The following MRE11 variants were observed in gnomAD, a reference collection of about 807,000 sequenced individuals.
The protein encoded by MRE11 is double-strand break repair protein MRE11.
A neutral mutation model predicts 91.7 loss-of-function variants in MRE11; 62 were observed. That is an observed-to-expected ratio of 0.68 (90% confidence interval 0.55 to 0.84). The LOEUF (loss-of-function observed/expected upper bound fraction) is 0.84, where lower values mean the gene tolerates loss of function less well. Among genes scored for constraint, MRE11 ranks in the 40% least tolerant of loss-of-function variants. MRE11 has a pLI of 0.00. For synonymous variants in MRE11, 273 were observed against 271.4 expected (o/e 1.01, Z -0.06); for missense variants, 796 against 852.9 (o/e 0.93, Z 0.83).
chr11:94,420,829 G>A (rs986220321), intron 19 of MRE11, among the ~76,000 whole-genome samples: 8 of 152,126 alleles, frequency 5.3e-5, no homozygotes, highest in Non-Finnish European at 8.8e-5. Flanking sequence ...TCAGGAGATC[G>A]AGACCATCCT....
chr11:94,479,027 A>G (rs1355132003), intron 5 of MRE11, 151 bp from the exon 6 acceptor site: 3 of 843,274 alleles, frequency 3.6e-6, no homozygotes, highest in East Asian at 2.7e-5. Flanking sequence ...TACAATAGTA[A>G]AAGTATTTGC....
At chr11:94,442,504 A>T (rs915185624) in intron 16 of MRE11, among the ~76,000 whole-genome samples, 2 of 152,118 alleles carry the variant, frequency 1.3e-5, no homozygotes, top group African/African-American at 4.8e-5. Flanking sequence ...ATAAAACAAG[A>T]CAGGACAAAA....
At chr11:94,468,156 T>C (rs1946615926) in intron 9 of MRE11, among the ~76,000 whole-genome samples, 1 of 152,210 alleles carries the variant, frequency 6.6e-6, no homozygotes, top group Non-Finnish European at 1.5e-5. Flanking sequence ...TTACTACTCA[T>C]GTTTCAATAA....
Position 94,446,457 on chromosome 11 carries a change from T to C in MRE11, c.1784-564A>G, listed in dbSNP as rs910172891. Among the ~76,000 whole-genome samples the C allele has an allele frequency of 5.3e-5, 8 of 152,244 alleles. 1 individual carries two copies. Among genetic ancestry groups the C allele is most frequent in the African/African-American group, 1.7e-4 (7 of 41,560 alleles). ...AAATAAAAATTTTTAAGGAAAAATT[T>C]TGTAAATGTAAGAATAGTGAAAATA... On this transcript the variant is annotated intron_variant, in intron 15 of 19. Coordinates refer to ENST00000323929, the MANE Select transcript of MRE11 (RefSeq NM_005591.4).
At chr11:94,493,597 G>C (rs1256520260) in intron 1 of MRE11, 194 bp downstream of exon 1, 3 of 152,162 alleles carry the variant, frequency 2.0e-5, no homozygotes, top group African/African-American at 4.8e-5. Context: ...CTGCCCACTC[G>C]GCCCGCTCTT....
intron 9 of MRE11, 31 bp from the exon 10 acceptor site, chr11:94,467,924 C>G (rs201898818): frequency 6.4e-7 from 1 of 1,572,518 alleles, no homozygotes; most frequent in East Asian, 2.2e-5. Context: ...TAAAAAACAA[C>G]GTAGTAAACT....
chr11:94,498,745 T>G, upstream of MRE11: 1 of 567,258 alleles, frequency 1.8e-6, no homozygotes, highest in Non-Finnish European at 3.1e-6. Flanking sequence ...AGTTTGTGAT[T>G]TTTTTATCAG....
rs528393065 is a variant in MRE11, at chr11:94,437,127, T to C, written c.1926+50A>G. On this transcript the variant is annotated intron_variant, in intron 17 of 19. Coordinates refer to ENST00000323929, the MANE Select transcript of MRE11 (RefSeq NM_005591.4). ...AAATCAGAGAGTTGACAATTCATAA[T>C]GCAGAAAACATAAATTATTAATACA... The C allele has an allele frequency of 1.3e-5, 19 of 1,474,700 alleles. No homozygotes were observed. In the Admixed American group the frequency reaches 2.3e-4, roughly 18 times the overall value. The allele number at this position is 1,474,700 out of a possible 1,614,324, so 91.4% of individuals were successfully genotyped here. A position where few individuals can be genotyped will look rare whatever the true frequency, so the allele number is the denominator to read the frequency against.
intron 4 of MRE11, among the ~76,000 whole-genome samples, chr11:94,483,195 G>A (rs1202876694): frequency 3.3e-5 from 5 of 152,170 alleles, no homozygotes; most frequent in Non-Finnish European, 7.3e-5. Flanking sequence ...AATATGGGCT[G>A]GGCATGGTGG....
At chr11:94,446,739 G>C (rs1565212100) in intron 15 of MRE11, among the ~76,000 whole-genome samples, 4 of 152,216 alleles carry the variant, frequency 2.6e-5, no homozygotes, top group Middle Eastern at 3.4e-3. Context: ...TCAAATTGGG[G>C]GGCAGTTTTC....
chr11:94,426,359 A>G (rs145732093), intron 19 of MRE11, among the ~76,000 whole-genome samples: 3 of 152,048 alleles, frequency 2.0e-5, no homozygotes, highest in Non-Finnish European at 4.4e-5. Context: ...AATCTTAGGG[A>G]TGCAGCTAAA....
chr11:94,442,236 A>G (rs1456283138), intron 16 of MRE11, among the ~76,000 whole-genome samples: 1 of 152,196 alleles, frequency 6.6e-6, no homozygotes, highest in Admixed American at 6.5e-5. Flanking sequence ...AGGCTAAACA[A>G]GAGTACCATC....
intron 11 of MRE11, among the ~76,000 whole-genome samples, chr11:94,461,467 A>G (rs953601516): frequency 1.3e-5 from 2 of 152,214 alleles, no homozygotes; most frequent in Non-Finnish European, 2.9e-5. Context: ...GATGGAACAT[A>G]TCTCAAAATA....
intron 10 of MRE11, 95 bp downstream of exon 10, chr11:94,467,718 G>T: frequency 1.9e-6 from 2 of 1,060,470 alleles, no homozygotes; most frequent in Non-Finnish European, 1.4e-6. Flanking sequence ...ATTACTATGA[G>T]CACTCTCCTC....
At chr11:94,442,148 G>A (rs1945798510) in intron 16 of MRE11, among the ~76,000 whole-genome samples, 1 of 151,996 alleles carries the variant, frequency 6.6e-6, no homozygotes, top group Admixed American at 6.6e-5. Flanking sequence ...AACATCTGAA[G>A]GGATAATAGC....
In MRE11 at chr11:94,419,465, G is replaced by GGGGAGAGAGAGGGAGAGAGAGA; in HGVS notation, c.*659_*660insTCTCTCTCTCCCTCTCTCTCCC. The stretch of plus-strand genomic sequence containing the variant: ...GAAGAGTGGGGAACGGGGGGGAGAG[G>GGGGAGAGAGAGGGAGAGAGAGA]GAGAGAGAGAGAGAGAGAGAGAGAG... On this transcript the variant is annotated 3_prime_UTR_variant, in exon 20 of 20. Coordinates refer to ENST00000323929, the MANE Select transcript of MRE11 (RefSeq NM_005591.4). 2 of 196,750 alleles carry GGGGAGAGAGAGGGAGAGAGAGA rather than the reference G, an allele frequency of 1.0e-5. No homozygotes were observed. Among genetic ancestry groups the GGGGAGAGAGAGGGAGAGAGAGA allele is most frequent in the East Asian group, 1.5e-4 (2 of 13,034 alleles). 12.2% of individuals were successfully genotyped at this position (196,750 alleles called of 1,614,324 possible). A position where few individuals can be genotyped will look rare whatever the true frequency, so the allele number is the denominator to read the frequency against.
chr11:94,440,026 A>G (rs1459219349), intron 16 of MRE11, among the ~76,000 whole-genome samples: 1 of 152,244 alleles, frequency 6.6e-6, no homozygotes, highest in African/African-American at 2.4e-5. Context: ...CAGCACTTAC[A>G]GTGCAAGGGT....
At chr11:94,494,343 TC>T, upstream of MRE11, among the ~76,000 whole-genome samples, 1 of 152,184 alleles carries the variant, frequency 6.6e-6, no homozygotes, top group Non-Finnish European at 1.5e-5. Flanking sequence ...GTTCAGCACA[TC>T]TGCACTGCTT....
chr11:94,444,070 A>G lies in MRE11; in HGVS notation c.1867+1740T>C, dbSNP rs1591650715. ...TACAGGTGCACGCCGCCCTGCCTGG[A>G]TAATTTTTTGTATTTTCAGTAGGGG... On this transcript the variant is annotated intron_variant, in intron 16 of 19. Coordinates refer to ENST00000323929, the MANE Select transcript of MRE11 (RefSeq NM_005591.4). Among the ~76,000 whole-genome samples the G allele has an allele frequency of 2.0e-5, 3 of 151,418 alleles. No homozygotes were observed. The South Asian group carries it at 6.3e-4, about 32-fold the overall frequency.
Sources: allele counts gnomAD v4.1 joint callset (sites outside exome capture counted in the v4.1 genomes callset), GRCh38; gene constraint gnomAD v4.1.1; transcripts MANE v1.5; gene names NCBI Gene and HGNC (gene_info 2026-07-23, HGNC 2026-07-21).